Variants in QTGAL observed in about 807,000 individuals in gnomAD.
QTGAL encodes queuosine-tRNA galactosyltransferase, also known as BGnT-like protein 1.
chr17:82,963,976 G>A, the QTGAL span, among the ~76,000 whole-genome samples: 8 of 151,838 alleles, frequency 5.3e-5, no homozygotes, highest in Non-Finnish European at 1.0e-4. Flanking sequence ...GACAAAATTG[G>A]TTGGGTGTGG....
At chr17:82,947,171 C>T in the QTGAL span, 1 of 540,744 alleles carries the variant, frequency 1.8e-6, no homozygotes, top group South Asian at 2.5e-5. Flanking sequence ...ACTGCTTGTA[C>T]CACAGGCCCT....
chr17:83,000,258 G>C, the QTGAL span, among the ~76,000 whole-genome samples: 1 of 80,268 alleles, frequency 1.2e-5, no homozygotes, highest in African/African-American at 7.0e-5. Context: ...ACTGCGCCTG[G>C]CCGAGAGATC....
chr17:83,033,924 T>G, the QTGAL span, among the ~76,000 whole-genome samples: 3 of 152,106 alleles, frequency 2.0e-5, no homozygotes, highest in Non-Finnish European at 4.4e-5. Context: ...TGCCTACTTA[T>G]CTATTTTTCT....
chr17:82,970,330 C>G, the QTGAL span, among the ~76,000 whole-genome samples: 2 of 152,252 alleles, frequency 1.3e-5, no homozygotes, highest in Non-Finnish European at 2.9e-5. Flanking sequence ...ACAAATACAG[C>G]CTTCCCTCAA....
the QTGAL span, among the ~76,000 whole-genome samples, chr17:82,997,778 C>CA: frequency 6.6e-6 from 1 of 152,018 alleles, no homozygotes; most frequent in African/African-American, 2.4e-5. Context: ...CACAGAAAGA[C>CA]AAACTTCACA....
chr17:82,997,477 G>A, the QTGAL span, among the ~76,000 whole-genome samples: 1 of 152,162 alleles, frequency 6.6e-6, no homozygotes, highest in Admixed American at 6.5e-5. Context: ...ACAGTTTGGA[G>A]GTTCCTCAAA....
At chr17:82,969,104 C>G in the QTGAL span, among the ~76,000 whole-genome samples, 5 of 149,702 alleles carry the variant, frequency 3.3e-5, no homozygotes, top group South Asian at 6.4e-4. Context: ...TGCACTATAA[C>G]CTGGGTAACA....
chr17:82,959,700 G>A, the QTGAL span, among the ~76,000 whole-genome samples: 6 of 17,890 alleles, frequency 3.4e-4, no homozygotes, highest in East Asian at 2.2e-3. Flanking sequence ...GAAGAAAGCG[G>A]GGGGCCTCTG....
chr17:82,980,322 A>G, the QTGAL span, among the ~76,000 whole-genome samples: 1 of 152,158 alleles, frequency 6.6e-6, no homozygotes, highest in Non-Finnish European at 1.5e-5. Flanking sequence ...TCCCACCACA[A>G]TGTGCGGGTC....
the QTGAL span, among the ~76,000 whole-genome samples, chr17:82,964,755 G>A: frequency 1.5e-5 from 2 of 135,962 alleles, no homozygotes; most frequent in Non-Finnish European, 3.1e-5. Flanking sequence ...CACCCCCACG[G>A]GGGGGACGGG....
the QTGAL span, among the ~76,000 whole-genome samples, chr17:83,011,022 C>G: frequency 6.6e-6 from 1 of 152,254 alleles, no homozygotes; most frequent in Non-Finnish European, 1.5e-5. Context: ...GAACAGAGAT[C>G]AGCTCTGGAA....
chr17:82,965,678 G>A, the QTGAL span: 21 of 1,611,622 alleles, frequency 1.3e-5, no homozygotes, highest in South Asian at 4.4e-5. Context: ...AGGGGCCCAC[G>A]TGGGAGAACC....
the QTGAL span, among the ~76,000 whole-genome samples, chr17:83,026,303 A>G: frequency 2.0e-5 from 3 of 152,374 alleles, no homozygotes; most frequent in South Asian, 6.2e-4. Context: ...AGGAACCCAC[A>G]TGCACAGCCA....
chr17:83,023,827 G>GT, the QTGAL span, among the ~76,000 whole-genome samples: 1 of 152,222 alleles, frequency 6.6e-6, no homozygotes, highest in African/African-American at 2.4e-5. Context: ...ACCTTCATGG[G>GT]TTAGATGGGC....
At chr17:82,953,043 A>C in the QTGAL span, among the ~76,000 whole-genome samples, 1 of 152,194 alleles carries the variant, frequency 6.6e-6, no homozygotes, top group Non-Finnish European at 1.5e-5. Context: ...CAGCTAAAGC[A>C]GTGTTAAGAG....
At chr17:83,008,594 C>T in the QTGAL span, among the ~76,000 whole-genome samples, 1 of 152,186 alleles carries the variant, frequency 6.6e-6, no homozygotes, top group African/African-American at 2.4e-5. Flanking sequence ...GCGCTCCCTC[C>T]CCTCAAATCT....
chr17:83,009,355 C>T, the QTGAL span, among the ~76,000 whole-genome samples: 15 of 151,916 alleles, frequency 9.9e-5, no homozygotes, highest in African/African-American at 3.1e-4. Flanking sequence ...ACCTGGGAGG[C>T]GGAGGTTGCA....
the QTGAL span, among the ~76,000 whole-genome samples, chr17:83,021,348 ACT>A: frequency 6.7e-6 from 1 of 149,918 alleles, no homozygotes; most frequent in Non-Finnish European, 1.5e-5. Context: ...CAAAAAAAAA[ACT>A]CTACTAGAAT....
chr17:83,037,230 G>A, the QTGAL span, among the ~76,000 whole-genome samples: 100 of 152,302 alleles, frequency 6.6e-4, no homozygotes, highest in African/African-American at 2.1e-3. The surrounding 1 kb of genome is among the most constrained non-coding windows in gnomAD (Gnocchi z 5.2). Flanking sequence ...CCACTACAAG[G>A]AGGGGAAGGC....
Sources: gnomAD v4.1 joint callset for allele counts (sites outside exome capture counted in the v4.1 genomes callset) on GRCh38, gnomAD v4.1.1 for gene constraint, Gnocchi (gnomAD v3.1) non-coding constraint, MANE v1.5 for transcripts, NCBI Gene and HGNC (gene_info 2026-07-23, HGNC 2026-07-21) for gene names.